Variants in TXNDC16 observed in about 807,000 individuals in gnomAD.
TXNDC16 encodes thioredoxin domain-containing protein 16.
A neutral mutation model predicts 85.6 loss-of-function variants in TXNDC16; 74 were observed. That is an observed-to-expected ratio of 0.86 (90% CI 0.72 to 1.05). The LOEUF is 1.05. Ranked by LOEUF, TXNDC16 falls within the 50% of genes least tolerant of loss-of-function variation. The probability of loss-of-function intolerance (pLI) is 0.00; values close to 1 mark genes in which losing one functional copy is unlikely to be tolerated. For missense variants in TXNDC16, 959 were observed against 947.0 expected (o/e 1.01, Z -0.17); for synonymous variants, 335 against 326.5 (o/e 1.03, Z -0.28).
intron 18 of TXNDC16, among the ~76,000 whole-genome samples, chr14:52,453,616 A>G (rs1447373934): frequency 6.6e-6 from 1 of 152,208 alleles, no homozygotes; most frequent in East Asian, 1.9e-4. Flanking sequence ...TATCTGTGGG[A>G]GCTAAAACTT....
At chr14:52,501,364 C>A (rs867374031) in intron 9 of TXNDC16, among the ~76,000 whole-genome samples, 27 of 152,102 alleles carry the variant, frequency 1.8e-4, no homozygotes, top group African/African-American at 6.3e-4. Flanking sequence ...TGATCAGACA[C>A]AATGCCGTTT....
At chr14:52,443,794 T>C (rs1470204473) in intron 18 of TXNDC16, among the ~76,000 whole-genome samples, 4 of 152,044 alleles carry the variant, frequency 2.6e-5, no homozygotes, top group Admixed American at 6.6e-5. Flanking sequence ...GAATATAAAT[T>C]TGTGAAAAGA....
At chr14:52,451,156 A>G (rs550256930) in intron 18 of TXNDC16, among the ~76,000 whole-genome samples, 44 of 151,988 alleles carry the variant, frequency 2.9e-4, no homozygotes, top group Admixed American at 1.3e-3. Context: ...AAAAGACTAT[A>G]CATTGGGTAC....
intron 7 of TXNDC16, 102 bp from the exon 8 acceptor site, chr14:52,515,072 A>G (rs937573354): frequency 1.5e-5 from 11 of 755,750 alleles, no homozygotes; most frequent in African/African-American, 3.6e-5. Flanking sequence ...TTTATGTTCT[A>G]CTATATTTAA....
intron 6 of TXNDC16, among the ~76,000 whole-genome samples, chr14:52,528,349 G>A (rs1017950678): frequency 6.6e-6 from 1 of 152,056 alleles, no homozygotes; most frequent in Non-Finnish European, 1.5e-5. Flanking sequence ...TTAGTTCATA[G>A]ACAAGTATTT....
chr14:52,530,701 T>A (rs1159064182), intron 6 of TXNDC16, among the ~76,000 whole-genome samples: 1 of 139,620 alleles, frequency 7.2e-6, no homozygotes, highest in African/African-American at 2.7e-5. Context: ...AGATAAGATG[T>A]ATATTTTTTA....
At chr14:52,438,019 A>C (rs1467767739) in intron 20 of TXNDC16, among the ~76,000 whole-genome samples, 1 of 152,182 alleles carries the variant, frequency 6.6e-6, no homozygotes, top group African/African-American at 2.4e-5. Context: ...TAACAAGAGA[A>C]CTAGAATTAG....
intron 9 of TXNDC16, among the ~76,000 whole-genome samples, chr14:52,492,576 C>T (rs67576130): frequency 0.26 from 38,920 of 152,078 alleles, 5,109 homozygotes; most frequent in East Asian, 0.38. Context: ...CTCCTCCACG[C>T]TCCTCTTTTG....
At chr14:52,542,803 TATC>T (rs1321158027) in intron 3 of TXNDC16, among the ~76,000 whole-genome samples, 1 of 152,170 alleles carries the variant, frequency 6.6e-6, no homozygotes, top group Non-Finnish European at 1.5e-5. Flanking sequence ...GATTTTAAAA[TATC>T]ATTTTCTAAT....
rs766742464 is a variant in TXNDC16, at chr14:52,440,696, C to T, written c.1871G>A (p.Ser624Asn). Residue 624 changes from serine (S) to asparagine (N), a missense_variant, in exon 19 of 21, where the codon AGT becomes AAT. Physicochemically the swap from Ser to Asn is conservative, Grantham distance 46. Coordinates refer to ENST00000281741, the MANE Select transcript of TXNDC16 (RefSeq NM_020784.3). The stretch of plus-strand genomic sequence containing the variant: ...TAATGGTTTCTGAAGTCTGAAATAA[C>T]TGGGAAGATTTTCCACAGTGATTTC... ...FPEITVENLP[S>N]YFRLQKPLLI... The T allele has an allele frequency of 5.6e-6, 9 of 1,606,122 alleles. No individual in the cohort carries two copies. In the South Asian group the frequency reaches 9.0e-5, roughly 16 times the overall value.
At chr14:52,513,578 A>T (rs1018532294) in intron 8 of TXNDC16, among the ~76,000 whole-genome samples, 6 of 152,088 alleles carry the variant, frequency 3.9e-5, no homozygotes, top group Non-Finnish European at 8.8e-5. Flanking sequence ...CCCATTTAAA[A>T]AATGGGAAAA....
At chr14:52,513,603 C>T (rs946632832) in intron 8 of TXNDC16, among the ~76,000 whole-genome samples, 4 of 151,730 alleles carry the variant, frequency 2.6e-5, no homozygotes, top group African/African-American at 9.7e-5. Flanking sequence ...AAAAATCTTA[C>T]AGAAAAATAC....
chr14:52,530,629 A>G (rs2037549077), intron 6 of TXNDC16, among the ~76,000 whole-genome samples: 5 of 104,314 alleles, frequency 4.8e-5, no homozygotes, highest in East Asian at 4.8e-4. Flanking sequence ...GTGTGTATAT[A>G]CATATATATA....
At chr14:52,468,060 A>G (rs1039909659) in intron 16 of TXNDC16, among the ~76,000 whole-genome samples, 1 of 152,232 alleles carries the variant, frequency 6.6e-6, no homozygotes, top group Non-Finnish European at 1.5e-5. Flanking sequence ...ACTCATATAA[A>G]CAGAAAGTAG....
At chr14:52,493,216 T>TATATATATATACACAC in intron 9 of TXNDC16, among the ~76,000 whole-genome samples, 71 of 115,976 alleles carry the variant, frequency 6.1e-4, no homozygotes, top group African/African-American at 2.4e-3. Flanking sequence ...TATATATATA[T>TATATATATATACACAC]ACACACACAC....
chr14:52,525,876 G>T (rs576108530), intron 6 of TXNDC16, among the ~76,000 whole-genome samples: 3 of 151,956 alleles, frequency 2.0e-5, no homozygotes, highest in South Asian at 4.2e-4. Context: ...AAATGGCAGA[G>T]AATCTGCTAT....
At chr14:52,492,181 G>A (rs981492455) in intron 9 of TXNDC16, among the ~76,000 whole-genome samples, 9 of 152,160 alleles carry the variant, frequency 5.9e-5, no homozygotes, top group African/African-American at 1.2e-4. Context: ...GAAATCAGGG[G>A]TATTAAGTAA....
intron 1 of TXNDC16, among the ~76,000 whole-genome samples, chr14:52,551,783 C>A (rs890996417): frequency 7.1e-6 from 1 of 139,946 alleles, no homozygotes; most frequent in Admixed American, 7.0e-5. Context: ...ATAGCGCCAC[C>A]ATCTACCATA....
intron 18 of TXNDC16, among the ~76,000 whole-genome samples, chr14:52,443,316 C>G (rs1343870353): frequency 1.3e-5 from 2 of 152,210 alleles, no homozygotes; most frequent in Non-Finnish European, 2.9e-5. Flanking sequence ...GGGACTCGAA[C>G]TGGCTTTCCT....
Sources: allele counts gnomAD v4.1 joint callset (sites outside exome capture counted in the v4.1 genomes callset), GRCh38; gene constraint gnomAD v4.1.1; transcripts MANE v1.5; gene names NCBI Gene and HGNC (gene_info 2026-07-23, HGNC 2026-07-21).